Variants in RBM44 observed in about 807,000 individuals in gnomAD.
RBM44 encodes RNA binding motif protein 44, also known as RNA-binding protein 44.
A neutral mutation model predicts 105.1 loss-of-function variants in RBM44; 66 were observed. That is an observed-to-expected ratio of 0.63 (90% CI 0.52 to 0.77). RBM44 has a LOEUF of 0.77. RBM44 is among the 30% of genes least tolerant of loss of function. The pLI is 0.00. For synonymous variants in RBM44, 365 were observed against 417.6 expected (o/e 0.87, Z 1.54); for missense variants, 1,122 against 1,207.8 (o/e 0.93, Z 1.05).
chr2:237,839,313 G>A lies in RBM44; in HGVS notation c.*23-2526G>A, dbSNP rs186311086. Reference sequence around the variant, plus strand: ...TGTTTTGAGACGGAGTCACTCAGTCGCCCAGGCTGGAGTACAATGGCGCGA... The same window carrying A: ...TGTTTTGAGACGGAGTCACTCAGTCACCCAGGCTGGAGTACAATGGCGCGA... On this transcript the variant is annotated intron_variant, in intron 15 of 15. Coordinates refer to ENST00000316997, the MANE Select transcript of RBM44 (RefSeq NM_001080504.3). Among the ~76,000 whole-genome samples the A allele has an allele frequency of 7.5e-3, 1,139 of 152,160 alleles. 56 individuals are homozygous for A. The highest frequency in any genetic ancestry group is 0.066 in the Admixed American group (1,004 of 15,280).
Position 237,817,254 on chromosome 2 carries a change from A to T in RBM44, c.335A>T (p.Tyr112Phe). ...GACTATGCTTTCTTGAATAAAACAT[A>T]TTCTATACCTTATTCAGAGTCAAAA... ...STDYAFLNKTYSIPYSESKLK... is the reference protein window; with the variant it reads ...STDYAFLNKTFSIPYSESKLK... The change falls in exon 3 of 16, where the codon TAT becomes TTT. Residue 112 changes from tyrosine (Y) to phenylalanine (F), a missense_variant. Tyr to Phe is a conservative substitution (Grantham distance 22, BLOSUM62 3). Transcript: ENST00000316997. The T allele has an allele frequency of 6.2e-7, 1 of 1,607,744 alleles. No homozygotes were observed.
At position 237,834,379 on chromosome 2, in the gene RBM44, T is replaced by C; in HGVS notation, c.3134T>C (p.Leu1045Pro). Residue 1045 changes from leucine (L) to proline (P), a missense_variant, in exon 15 of 16, where the codon CTG (leucine) becomes CCG (proline). Leu to Pro is a moderately conservative substitution (Grantham distance 98). Transcript: ENST00000316997. ...ATTGTGGAGATGACTTCATCTCTTC[T>C]GAAAAACTCTGCTTCCAGTTAGGAA... is the stretch of plus-strand genomic sequence containing the variant. The part of the protein sequence containing the change: ...TTIVEMTSSL[L>P]KNSASS The C allele has an allele frequency of 6.5e-7, 1 of 1,527,224 alleles. No individual in the cohort carries two copies. The highest frequency in any genetic ancestry group is 8.8e-7 in the Non-Finnish European group (1 of 1,137,496). The allele number at this position is 1,527,224 out of a possible 1,614,324, so 94.6% of individuals were successfully genotyped here.
intron 1 of RBM44, among the ~76,000 whole-genome samples, chr2:237,812,138 G>A (rs1163567106): frequency 6.6e-6 from 1 of 152,206 alleles, no homozygotes; most frequent in Non-Finnish European, 1.5e-5. Context: ...TTACAGGCGT[G>A]AGCCACTGCG....
intron 2 of RBM44, among the ~76,000 whole-genome samples, chr2:237,814,720 T>G (rs540984302): frequency 2.0e-4 from 30 of 152,188 alleles, no homozygotes; most frequent in African/African-American, 6.5e-4. Context: ...ACAGGAAGAC[T>G]TCAGAATATG....
intron 5 of RBM44, 198 bp from the exon 6 acceptor site, chr2:237,820,873 C>A (rs905932950): frequency 1.0e-4 from 47 of 460,446 alleles, no homozygotes; most frequent in Non-Finnish European, 1.5e-4. Flanking sequence ...CATAATAGGA[C>A]CCCCGTCTCT....
intron 2 of RBM44, among the ~76,000 whole-genome samples, chr2:237,814,898 C>T (rs1190654636): frequency 4.4e-5 from 1 of 22,978 alleles, no homozygotes; most frequent in East Asian, 2.2e-3. Flanking sequence ...TAACCCCCAC[C>T]CCCCCCTACA....
intron 12 of RBM44, among the ~76,000 whole-genome samples, chr2:237,827,795 A>AT (rs904888213): frequency 6.6e-6 from 1 of 152,180 alleles, no homozygotes; most frequent in African/African-American, 2.4e-5. Flanking sequence ...AGTAGAGCAC[A>AT]TTAGGTAAAA....
At chr2:237,826,968 T>C (rs948552256) in intron 10 of RBM44, among the ~76,000 whole-genome samples, 2 of 152,086 alleles carry the variant, frequency 1.3e-5, no homozygotes, top group Non-Finnish European at 2.9e-5. Context: ...TTACAGTAAT[T>C]GATTACTTTG....
chr2:237,838,696 G>A (rs2061982255), intron 15 of RBM44, among the ~76,000 whole-genome samples: 1 of 152,188 alleles, frequency 6.6e-6, no homozygotes, highest in Admixed American at 6.5e-5. Context: ...ACATTACTCA[G>A]TATATAGATG....
chr2:237,813,947 G>A (rs1190413186), intron 2 of RBM44, among the ~76,000 whole-genome samples: 2 of 152,130 alleles, frequency 1.3e-5, no homozygotes, highest in Admixed American at 6.6e-5. Context: ...CTGCTGACAG[G>A]TATAACTGCC....
In RBM44 at chr2:237,817,656, C is replaced by G; in HGVS notation, c.737C>G (p.Ser246Cys). 1 of 1,612,700 alleles carries G rather than the reference C, an allele frequency of 6.2e-7. No homozygotes were observed. The change falls in exon 3 of 16, where the codon TCT becomes TGT. Residue 246 changes from serine to cysteine, a missense_variant. Coordinates refer to ENST00000316997, the MANE Select transcript of RBM44 (RefSeq NM_001080504.3). ...AACTCGGGAAGTGGTTCTATCATCT[C>G]TTTCGATTCACTTGATGTTTATGGA... ...RVNSGSGSII[S>C]FDSLDVYGQE...
In RBM44 at chr2:237,823,424, T is replaced by C; in HGVS notation, c.2206-16T>C. On this transcript the variant is annotated splice_polypyrimidine_tract_variant and intron_variant, in intron 8 of 15. Coordinates refer to ENST00000316997, the MANE Select transcript of RBM44 (RefSeq NM_001080504.3). ...TATTTGCCCTTATTTATTGTTTTTA[T>C]TATCTTAATCCTCAGATGTCTTTAT... The C allele has an allele frequency of 8.6e-7, 1 of 1,166,120 alleles. No homozygotes were observed. The highest frequency in any genetic ancestry group is 1.4e-5 in the South Asian group (1 of 72,804). The allele number at this position is 1,166,120 out of a possible 1,614,324, so 72.2% of individuals were successfully genotyped here.
At chr2:237,819,545 A>G (rs916367575) in intron 4 of RBM44, among the ~76,000 whole-genome samples, 1 of 152,002 alleles carries the variant, frequency 6.6e-6, no homozygotes, top group Non-Finnish European at 1.5e-5. Context: ...GTTCTATACA[A>G]TTAAATTATT....
At chr2:237,799,533 C>A (rs1238997067) in intron 1 of RBM44, 1 of 152,158 alleles carries the variant, frequency 6.6e-6, no homozygotes, top group Non-Finnish European at 1.5e-5. Flanking sequence ...GTCTCTATCT[C>A]CTGACCTCGT....
chr2:237,840,403 A>G (rs1182481750), intron 15 of RBM44, among the ~76,000 whole-genome samples: 5 of 152,186 alleles, frequency 3.3e-5, no homozygotes. Context: ...CTTATACCAT[A>G]TACAAAAGTC....
rs977247452 is a variant in RBM44 at position 237,818,266 on chromosome 2, G to A, written c.1347G>A (p.Met449Ile). 6 of 1,613,134 alleles carry A rather than the reference G, an allele frequency of 3.7e-6. No homozygotes were observed. Among genetic ancestry groups the A allele is most frequent in the Non-Finnish European group, 5.1e-6 (6 of 1,179,402 alleles). Residue 449 changes from methionine (M) to isoleucine (I), a missense_variant, in exon 3 of 16, where the codon ATG becomes ATA. Met to Ile is a conservative substitution (Grantham distance 10). Around this residue, in one of 3 missense-constraint regions of RBM44, gnomAD observed 918 missense variants for 955.3 expected, o/e 0.96. Transcript: ENST00000316997. The surrounding 1 kb of genome is among the most constrained non-coding windows in gnomAD (Gnocchi z 4.6). ...KKTCFHNIGEMCTKSLTDAAS... is the reference protein window; with the variant it reads ...KKTCFHNIGEICTKSLTDAAS... ...CATGCTTTCACAATATAGGAGAAAT[G>A]TGTACTAAATCATTGACAGATGCAG...
At chr2:237,828,656 G>C (rs1318695017) in intron 12 of RBM44, among the ~76,000 whole-genome samples, 1 of 152,038 alleles carries the variant, frequency 6.6e-6, no homozygotes, top group Non-Finnish European at 1.5e-5. Flanking sequence ...GCTGTCTAGG[G>C]CTGATGATTT....
rs894287724 is a variant in RBM44, at chr2:237,803,948, C to T, written c.-19+5087C>T. ...TGTCACCCAGGCTGGGGTACAGTGGCGCAATCTCAGCTGACTGCAACCTCT... is the reference window on the plus strand; with the variant it reads ...TGTCACCCAGGCTGGGGTACAGTGGTGCAATCTCAGCTGACTGCAACCTCT... On this transcript the variant is annotated intron_variant, in intron 1 of 15. Transcript: ENST00000316997. This position sits in a 1 kb window ranked among gnomAD's most constrained non-coding sequence, Gnocchi z 4.2. Among the ~76,000 whole-genome samples, 14 of 151,088 alleles carry T rather than the reference C, an allele frequency of 9.3e-5. No individual in the cohort carries two copies. The highest frequency in any genetic ancestry group is 3.2e-4 in the African/African-American group (13 of 41,016).
At position 237,818,720 on chromosome 2, in the gene RBM44, T is replaced by A; in HGVS notation, c.1677+124T>A. ...GAAGATGCTAGATGAGGGGAGTAAA[T>A]TAAAAAGGGAGTAAATTAAAAAGTA... On this transcript the variant is annotated intron_variant, in intron 3 of 15. Transcript: ENST00000316997. This position sits in a 1 kb window ranked among gnomAD's most constrained non-coding sequence, Gnocchi z 4.6. 1 of 705,458 alleles carries A rather than the reference T, an allele frequency of 1.4e-6. No homozygotes were observed. The highest frequency in any genetic ancestry group is 2.3e-6 in the Non-Finnish European group (1 of 443,148). The allele number at this position is 705,458 out of a possible 1,614,324, so 43.7% of individuals were successfully genotyped here.
Sources: gnomAD v4.1 joint callset for allele counts (sites outside exome capture counted in the v4.1 genomes callset) on GRCh38, gnomAD v4.1.1 for gene constraint, gnomAD v4.1.1 regional missense constraint, Gnocchi (gnomAD v3.1) non-coding constraint, MANE v1.5 for transcripts, NCBI Gene and HGNC (gene_info 2026-07-23, HGNC 2026-07-21) for gene names.